The following NRXN3 variants were observed in gnomAD, a reference collection of about 807,000 sequenced individuals.
NRXN3 encodes the protein neurexin 3.
A neutral mutation model predicts 137.6 loss-of-function variants in NRXN3; 32 were observed. The observed-to-expected ratio is 0.23, with a 90% CI of 0.18 to 0.31. The LOEUF (loss-of-function observed/expected upper bound fraction) is 0.31. Ranked by LOEUF, NRXN3 falls within the 10% of genes least tolerant of loss-of-function variation. The pLI, the probability that NRXN3 is intolerant of heterozygous loss-of-function variation, is 1.00. For missense variants in NRXN3, 1,574 were observed against 2,062.5 expected, an observed-to-expected ratio of 0.76 and a Z score of 4.59; for synonymous variants, 798 against 784.5, an observed-to-expected ratio of 1.02 and a Z score of -0.29.
intron 2 of NRXN3, among the ~76,000 whole-genome samples, chr14:78,255,976 TG>T (rs772441618): frequency 9.9e-5 from 15 of 152,206 alleles, no homozygotes; most frequent in Admixed American, 2.0e-4. Context: ...TTTCTTTTAA[TG>T]GGAAAAGTGT....
rs533535562 is a variant in NRXN3, at chr14:78,453,844, G to T, written c.757+155984G>T. On this transcript the variant is annotated intron_variant, in intron 4 of 20. Coordinates refer to ENST00000335750, the MANE Select transcript of NRXN3 (RefSeq NM_001330195.2). ...GTGATACATCTACAAGCCAAAGATT[G>T]CCAGCAAATGACCAGAAACTAAAAA... 3.3e-5 allele frequency among the ~76,000 whole-genome samples: 5 copies of T among 152,244 alleles called. No individual in the cohort carries two copies. The East Asian group carries it at 9.7e-4, about 29-fold the overall frequency.
At chr14:78,484,624 C>T (rs1238781956) in intron 4 of NRXN3, among the ~76,000 whole-genome samples, 1 of 152,040 alleles carries the variant, frequency 6.6e-6, no homozygotes, top group South Asian at 2.1e-4. Flanking sequence ...GAACATGGAG[C>T]TTGAAGATGG....
At chr14:79,286,334 G>GA (rs1324832532) in intron 15 of NRXN3, among the ~76,000 whole-genome samples, 1 of 151,720 alleles carries the variant, frequency 6.6e-6, no homozygotes, top group Non-Finnish European at 1.5e-5. Flanking sequence ...GAAAACAAGA[G>GA]AAAAAATAGG....
chr14:78,478,953 TGTTA>T (rs1314709140), intron 4 of NRXN3, among the ~76,000 whole-genome samples: 23 of 152,226 alleles, frequency 1.5e-4, no homozygotes, highest in African/African-American at 5.5e-4. Context: ...TGCAGAGATG[TGTTA>T]GTTGTCATAT....
At chr14:78,843,311 T>G (rs2099017856) in intron 10 of NRXN3, among the ~76,000 whole-genome samples, 1 of 152,130 alleles carries the variant, frequency 6.6e-6, no homozygotes, top group Non-Finnish European at 1.5e-5. Context: ...ATCATCTGTT[T>G]GGGTTATTGT....
intron 10 of NRXN3, among the ~76,000 whole-genome samples, chr14:78,890,057 A>T (rs1012728308): frequency 1.3e-5 from 2 of 151,944 alleles, no homozygotes; most frequent in African/African-American, 4.8e-5. Context: ...TAAGAATTGG[A>T]TTGTTGCCTA....
At chr14:78,446,877 G>T (rs1598781625) in intron 4 of NRXN3, among the ~76,000 whole-genome samples, 1 of 152,144 alleles carries the variant, frequency 6.6e-6, no homozygotes, top group Non-Finnish European at 1.5e-5. Flanking sequence ...GTGTCTAAGT[G>T]ATTTTTATTG....
At chr14:79,789,218 G>A (rs1215245658) in intron 19 of NRXN3, among the ~76,000 whole-genome samples, 1 of 152,110 alleles carries the variant, frequency 6.6e-6, no homozygotes, top group Non-Finnish European at 1.5e-5. Context: ...GGAGGTAAGG[G>A]TAGACAGGGA....
At chr14:78,417,119 C>T (rs371090787) in intron 4 of NRXN3, among the ~76,000 whole-genome samples, 7 of 152,222 alleles carry the variant, frequency 4.6e-5, no homozygotes, top group Admixed American at 1.3e-4. Flanking sequence ...TGCTGGCCCC[C>T]GGCTTAAAGC....
chr14:79,538,296 A>G (rs2097234337), intron 16 of NRXN3, among the ~76,000 whole-genome samples: 1 of 152,108 alleles, frequency 6.6e-6, no homozygotes, highest in African/African-American at 2.4e-5. Flanking sequence ...CTTTAGTTTA[A>G]TTAGATCCCA....
intron 1 of NRXN3, among the ~76,000 whole-genome samples, chr14:78,213,283 A>G (rs113395870): frequency 6.6e-6 from 1 of 152,200 alleles, no homozygotes; most frequent in Admixed American, 6.5e-5. Context: ...AGATGGGGGA[A>G]GAGAATGGAA....
At chr14:79,646,576 A>T (rs2098454246) in intron 16 of NRXN3, among the ~76,000 whole-genome samples, 1 of 135,100 alleles carries the variant, frequency 7.4e-6, no homozygotes, top group African/African-American at 2.5e-5. Flanking sequence ...TAAAGTGAAC[A>T]TTTTGACATT....
intron 15 of NRXN3, among the ~76,000 whole-genome samples, chr14:79,383,533 G>A (rs1246482912): frequency 1.3e-5 from 2 of 152,096 alleles, no homozygotes; most frequent in Non-Finnish European, 2.9e-5. Context: ...AAGAAACTTA[G>A]TATCTTTTCT....
chr14:79,256,480 T>C (rs920963894), intron 15 of NRXN3, among the ~76,000 whole-genome samples: 3 of 152,164 alleles, frequency 2.0e-5, no homozygotes, highest in African/African-American at 7.2e-5. Context: ...CCATTTCCTG[T>C]AGTAGAGTGC....
intron 15 of NRXN3, among the ~76,000 whole-genome samples, chr14:79,041,687 T>C (rs1010317959): frequency 5.3e-5 from 8 of 152,118 alleles, no homozygotes; most frequent in Admixed American, 5.2e-4. Context: ...AACATTAAAC[T>C]TAAGCAGGAA....
chr14:79,152,076 G>C (rs1234510322), intron 15 of NRXN3, among the ~76,000 whole-genome samples: 2 of 151,898 alleles, frequency 1.3e-5, no homozygotes, highest in African/African-American at 2.4e-5. Flanking sequence ...GTGTACTTGG[G>C]TCTATTTTCA....
chr14:78,202,544 A>G (rs1595870796), intron 1 of NRXN3, among the ~76,000 whole-genome samples: 1 of 152,286 alleles, frequency 6.6e-6, no homozygotes, highest in East Asian at 1.9e-4. Flanking sequence ...AGGTCACCTG[A>G]AAGTCCCTCC....
chr14:78,191,870 C>T (rs558807892), intron 1 of NRXN3, among the ~76,000 whole-genome samples: 63 of 152,236 alleles, frequency 4.1e-4, no homozygotes, highest in African/African-American at 1.5e-3. Context: ...CATCCCTTCC[C>T]CTCTTTGAGC....
chr14:79,446,825 A>T (rs1380073042), intron 15 of NRXN3, among the ~76,000 whole-genome samples: 6 of 152,354 alleles, frequency 3.9e-5, no homozygotes, highest in African/African-American at 1.2e-4. Context: ...AGAAGATTTT[A>T]AAAAATTATT....
Sources: allele counts gnomAD v4.1 joint callset (sites outside exome capture counted in the v4.1 genomes callset), GRCh38; gene constraint gnomAD v4.1.1; transcripts MANE v1.5; gene names NCBI Gene and HGNC (gene_info 2026-07-23, HGNC 2026-07-21).